Variants in ATL2 observed in about 807,000 individuals in gnomAD.
ATL2 encodes the protein atlastin GTPase 2, also known as atlastin-2.
In ATL2, 31 loss-of-function variants were observed where a neutral mutation model predicts 73.9. The ratio of observed to expected loss-of-function variants is 0.42; its 90% confidence interval spans 0.32 to 0.57. ATL2 has a LOEUF of 0.57. Among genes scored for constraint, ATL2 ranks in the 20% least tolerant of loss-of-function variants. ATL2 has a pLI of 0.14. For synonymous variants in ATL2, 291 were observed against 237.5 expected (o/e 1.23, Z -2.07); for missense variants, 738 against 702.6 (o/e 1.05, Z -0.57).
intron 1 of ATL2, among the ~76,000 whole-genome samples, chr2:38,369,725 T>A (rs911763599): frequency 6.6e-6 from 1 of 151,678 alleles, no homozygotes; most frequent in Non-Finnish European, 1.5e-5. Flanking sequence ...AATAAGTACA[T>A]AAATAAAAAA....
In ATL2 at chr2:38,318,887, T is replaced by C. The variant is rs61758716; in HGVS notation, c.496A>G (p.Lys166Glu). Residue 166 changes from lysine (K) to glutamate (E), a missense_variant and splice_region_variant, in exon 3 of 13, where the codon AAA becomes GAA. Physicochemically the swap from Lys to Glu is moderately conservative, Grantham distance 56. Transcript: ENST00000378954. ...VFVIDRPNGTKVAVLLMDTQG... is the reference protein window; with the variant it reads ...VFVIDRPNGTEVAVLLMDTQG... Reference sequence around the variant, plus strand: ...GAAAAGTATAAACAGAATTTTACTTTAGTTCCATTAGGTCTGTCAATCACA... The same window carrying C: ...GAAAAGTATAAACAGAATTTTACTTCAGTTCCATTAGGTCTGTCAATCACA... 1.5e-3 allele frequency: 2,429 copies of C among 1,610,960 alleles called. 4 individuals are homozygous for C. Among genetic ancestry groups the C allele is most frequent in the Non-Finnish European group, 1.9e-3 (2,286 of 1,179,250 alleles).
At chr2:38,332,232 T>A (rs1241926529) in intron 2 of ATL2, among the ~76,000 whole-genome samples, 4 of 152,190 alleles carry the variant, frequency 2.6e-5, no homozygotes, top group Non-Finnish European at 4.4e-5. Flanking sequence ...TTTTTGAGAC[T>A]GTGACTTGCT....
At position 38,332,160 on chromosome 2, in the gene ATL2, TG is replaced by T. The variant is rs916570433; in HGVS notation, c.363+11107del. Among the ~76,000 whole-genome samples the T allele has an allele frequency of 2.0e-5, 3 of 152,140 alleles. No individual in the cohort carries two copies. In the South Asian group the frequency reaches 6.2e-4, roughly 32 times the overall value. ...AGGTTGAGGGTTTGGAGAAAGGATC[TG>T]GGGGTAACAGCCAAAGGGCTGTCAC... On this transcript the variant is annotated intron_variant, in intron 2 of 12. Transcript: ENST00000378954.
At chr2:38,338,558 G>T (rs199748906) in intron 2 of ATL2, among the ~76,000 whole-genome samples, 1 of 136,258 alleles carries the variant, frequency 7.3e-6, no homozygotes, top group African/African-American at 3.1e-5. Flanking sequence ...AAATAAATAG[G>T]GAGAAGATAC....
At position 38,296,131 on chromosome 2, in the gene ATL2, T is replaced by A. The variant is rs1347458581; in HGVS notation, c.1633-18A>T. On this transcript the variant is annotated intron_variant, in intron 12 of 12. Transcript: ENST00000378954. ...TTCAATACCTGTGGTATGAGAAATG[T>A]GCAAAACAAACAAAAACATGAGGTA... is the stretch of plus-strand genomic sequence containing the variant. The A allele has an allele frequency of 6.5e-7, 1 of 1,534,020 alleles. No individual in the cohort carries two copies. Among genetic ancestry groups the A allele is most frequent in the Non-Finnish European group, 8.8e-7 (1 of 1,139,950 alleles).
In ATL2 at chr2:38,298,152, A is replaced by G. The variant is rs757120031; in HGVS notation, c.1624T>C (p.Trp542Arg). The G allele has an allele frequency of 6.2e-7, 1 of 1,611,558 alleles. No homozygotes were observed. Among genetic ancestry groups the G allele is most frequent in the Non-Finnish European group, 8.5e-7 (1 of 1,178,584 alleles). Residue 542 changes from tryptophan (W) to arginine (R), a missense_variant, in exon 12 of 13, where the codon TGG becomes CGG. Transcript: ENST00000378954. ...AAAAGATAGATACCAACCTGTTCCC[A>G]TAGTGTTTCAGCAATCTGATCAATC... ...TVIDQIAETL[W>R]EQVLKPLGDN...
At chr2:38,341,186 C>A (rs1669694316) in intron 2 of ATL2, among the ~76,000 whole-genome samples, 2 of 152,190 alleles carry the variant, frequency 1.3e-5, no homozygotes, top group Admixed American at 6.5e-5. Context: ...AGCTTAGACA[C>A]AGATAGATAC....
intron 2 of ATL2, among the ~76,000 whole-genome samples, chr2:38,324,888 A>T (rs1275738666): frequency 6.6e-6 from 1 of 152,184 alleles, no homozygotes; most frequent in Non-Finnish European, 1.5e-5. Flanking sequence ...GGGGAGAGAA[A>T]TGGGGAGTTA....
Position 38,377,270 on chromosome 2 carries a change from A to C in ATL2, c.-10T>G, listed in dbSNP as rs776441361. On this transcript the variant is annotated 5_prime_UTR_variant, in exon 1 of 13. Transcript: ENST00000378954. ...CGTCCCCCTCCGCCATCTTGTACCG[A>C]TTTAAAATTAACTCCCCACTGACGT... is the stretch of plus-strand genomic sequence containing the variant. 1.9e-6 allele frequency: 3 copies of C among 1,554,712 alleles called. No homozygotes were observed. Among genetic ancestry groups the C allele is most frequent in the Non-Finnish European group, 2.6e-6 (3 of 1,149,470 alleles).
At chr2:38,346,386 G>A (rs191105809) in intron 1 of ATL2, among the ~76,000 whole-genome samples, 16 of 152,210 alleles carry the variant, frequency 1.1e-4, no homozygotes, top group Admixed American at 2.0e-4. Context: ...TAAAATCACT[G>A]TTACAGAGGA....
chr2:38,370,953 A>G (rs1297949406), intron 1 of ATL2, among the ~76,000 whole-genome samples: 1 of 149,788 alleles, frequency 6.7e-6, no homozygotes, highest in Admixed American at 6.6e-5. Context: ...GCTAGCCCCT[A>G]TCTCGGGGGG....
At chr2:38,310,212 G>C in intron 8 of ATL2, 97 bp downstream of exon 8, 2 of 1,366,282 alleles carry the variant, frequency 1.5e-6, no homozygotes, top group Non-Finnish European at 2.0e-6. Context: ...ACATTCTCCA[G>C]TATAAGACAG....
intron 2 of ATL2, among the ~76,000 whole-genome samples, chr2:38,341,935 C>G (rs537223279): frequency 1.3e-5 from 2 of 152,270 alleles, no homozygotes; most frequent in African/African-American, 4.8e-5. Flanking sequence ...CTAATTCTGT[C>G]AAAGTATTAT....
chr2:38,327,426 CA>C (rs1668726601), intron 2 of ATL2, among the ~76,000 whole-genome samples: 1 of 143,422 alleles, frequency 7.0e-6, no homozygotes, highest in Non-Finnish European at 1.5e-5. Context: ...AGGCAGCCAC[CA>C]AAAAACACGT....
At chr2:38,347,286 C>T (rs1487132004) in intron 1 of ATL2, among the ~76,000 whole-genome samples, 2 of 152,196 alleles carry the variant, frequency 1.3e-5, no homozygotes, top group Admixed American at 6.5e-5. Flanking sequence ...CTATTCATTC[C>T]CAAAGCCTGG....
rs767080650 is a variant in ATL2, at chr2:38,310,475, T to A, written c.805-28A>T. 2.5e-5 allele frequency: 40 copies of A among 1,572,542 alleles called. No homozygotes were observed. In the Middle Eastern group the frequency reaches 6.8e-4, roughly 27 times the overall value. Reference sequence around the variant, plus strand: ...GAGGGCGGAGAGAGACAGGTGAAATTGTAAACAGAAGAAAGAAAATTTTTT... The same window carrying A: ...GAGGGCGGAGAGAGACAGGTGAAATAGTAAACAGAAGAAAGAAAATTTTTT... On this transcript the variant is annotated intron_variant, in intron 7 of 12. Coordinates refer to ENST00000378954, the MANE Select transcript of ATL2 (RefSeq NM_001135673.4).
At chr2:38,361,390 A>G (rs78601338) in intron 1 of ATL2, among the ~76,000 whole-genome samples, 2,877 of 151,920 alleles carry the variant, frequency 0.019, 30 homozygotes, top group Non-Finnish European at 0.029. Context: ...AATTAAATCA[A>G]GCTACAAAAT....
At chr2:38,363,683 T>C (rs762882329) in intron 1 of ATL2, among the ~76,000 whole-genome samples, 7 of 152,202 alleles carry the variant, frequency 4.6e-5, no homozygotes, top group Non-Finnish European at 7.3e-5. Context: ...ACACCTACTA[T>C]CCAATCTGTC....
chr2:38,367,482 T>C (rs1405847299), intron 1 of ATL2, among the ~76,000 whole-genome samples: 1 of 149,042 alleles, frequency 6.7e-6, no homozygotes, highest in Non-Finnish European at 1.5e-5. Flanking sequence ...GGCGGGCGCC[T>C]GTAGTCCCAG....
Sources: gnomAD v4.1 joint callset for allele counts (sites outside exome capture counted in the v4.1 genomes callset) on GRCh38, gnomAD v4.1.1 for gene constraint, MANE v1.5 for transcripts, NCBI Gene and HGNC (gene_info 2026-07-23, HGNC 2026-07-21) for gene names.